TBC1D22A: variants seen among roughly 807,000 people sequenced by gnomAD.
TBC1D22A encodes the protein TBC1 domain family member 22A.
TBC1D22A carries 38 observed loss-of-function variants against 60.2 expected under a neutral mutation model. That is an observed-to-expected ratio of 0.63 (90% CI 0.49 to 0.83). The LOEUF is 0.83. Ranked by LOEUF, TBC1D22A falls within the 40% of genes least tolerant of loss-of-function variation. TBC1D22A has a pLI of 0.00. For missense variants in TBC1D22A, 628 were observed against 701.0 expected (o/e 0.90, Z 1.18); for synonymous variants, 302 against 281.7 (o/e 1.07, Z -0.72).
chr22:46,915,779 T>C (rs2070323432), intron 8 of TBC1D22A: 1 of 456,562 alleles, frequency 2.2e-6, no homozygotes, highest in Non-Finnish European at 4.4e-6. Context: ...GATCCACAGA[T>C]CCTGGCCTGC....
At chr22:47,048,284 G>A (rs2239767) in intron 11 of TBC1D22A, among the ~76,000 whole-genome samples, 38,473 of 152,026 alleles carry the variant, frequency 0.25, 6,098 homozygotes, top group East Asian at 0.6. Flanking sequence ...GCACTTACCG[G>A]GTCAGCCCAA....
At chr22:47,164,904 C>T (rs1345061891) in intron 12 of TBC1D22A, among the ~76,000 whole-genome samples, 1 of 152,226 alleles carries the variant, frequency 6.6e-6, no homozygotes, top group Non-Finnish European at 1.5e-5. Context: ...CCACTGTCTG[C>T]AGAAAGGCCC....
At chr22:47,089,171 A>G (rs1044272240) in intron 11 of TBC1D22A, among the ~76,000 whole-genome samples, 2 of 152,234 alleles carry the variant, frequency 1.3e-5, no homozygotes, top group Non-Finnish European at 2.9e-5. Context: ...ACAAAGTGAC[A>G]GCAGAAAGAC....
chr22:46,882,557 G>A (rs1484107198), intron 5 of TBC1D22A, among the ~76,000 whole-genome samples: 4 of 152,176 alleles, frequency 2.6e-5, no homozygotes, highest in Admixed American at 6.5e-5. Flanking sequence ...AGGTACCAGG[G>A]CAGGAGAGCT....
chr22:47,144,261 C>G (rs969105447), intron 12 of TBC1D22A, among the ~76,000 whole-genome samples: 1 of 152,228 alleles, frequency 6.6e-6, no homozygotes, highest in Non-Finnish European at 1.5e-5. Flanking sequence ...TGAGGACCAG[C>G]GGGTTTCTAG....
At chr22:46,891,066 G>GCCCTTCCT in intron 5 of TBC1D22A, among the ~76,000 whole-genome samples, 200 bp from the exon 6 acceptor site, 1 of 151,720 alleles carries the variant, frequency 6.6e-6, no homozygotes, top group Non-Finnish European at 1.5e-5. Context: ...AGTGCTGTCG[G>GCCCTTCCT]GAGTGGTGCT....
chr22:47,046,720 C>T (rs1397985368), intron 11 of TBC1D22A, among the ~76,000 whole-genome samples: 4 of 152,208 alleles, frequency 2.6e-5, no homozygotes, highest in Non-Finnish European at 5.9e-5. Flanking sequence ...GAAGCCTCCT[C>T]CCCGCACTTG....
At chr22:47,119,942 C>G (rs2066211602) in intron 12 of TBC1D22A, among the ~76,000 whole-genome samples, 2 of 152,158 alleles carry the variant, frequency 1.3e-5, no homozygotes, top group Admixed American at 6.5e-5. Context: ...GGCAAGAGGG[C>G]TGGGCGCTCC....
At chr22:47,077,248 T>C (rs1465997478) in intron 11 of TBC1D22A, among the ~76,000 whole-genome samples, 1 of 152,254 alleles carries the variant, frequency 6.6e-6, no homozygotes, top group African/African-American at 2.4e-5. Flanking sequence ...GTGCATTCAC[T>C]ACTCTTGTAC....
At chr22:47,061,983 G>C (rs1309906473) in intron 11 of TBC1D22A, among the ~76,000 whole-genome samples, 3 of 150,690 alleles carry the variant, frequency 2.0e-5, no homozygotes, top group Non-Finnish European at 2.9e-5. Context: ...AGCTACTCCG[G>C]AGGCTGAGGC....
chr22:46,912,325 T>G, intron 8 of TBC1D22A, 137 bp downstream of exon 8: 1 of 592,024 alleles, frequency 1.7e-6, no homozygotes, highest in East Asian at 3.1e-5. Context: ...ATAATAGTTT[T>G]CTCATCAACA....
intron 11 of TBC1D22A, among the ~76,000 whole-genome samples, chr22:47,086,607 T>C (rs1414494863): frequency 6.6e-6 from 1 of 152,224 alleles, no homozygotes; most frequent in East Asian, 1.9e-4. Flanking sequence ...CTCCTCCCCC[T>C]ATATACTAAC....
At chr22:46,899,374 G>A (rs2147667137) in intron 7 of TBC1D22A, among the ~76,000 whole-genome samples, 1 of 152,134 alleles carries the variant, frequency 6.6e-6, no homozygotes, top group Non-Finnish European at 1.5e-5. Flanking sequence ...TTGAACTCGG[G>A]AGGTGGAGGC....
intron 4 of TBC1D22A, among the ~76,000 whole-genome samples, chr22:46,809,194 G>A (rs1601952771): frequency 6.6e-6 from 1 of 152,232 alleles, no homozygotes; most frequent in Middle Eastern, 3.4e-3. Context: ...CTCTCCTCCC[G>A]GCTTGCAGAT....
chr22:46,971,377 G>C (rs1338727058), intron 8 of TBC1D22A, among the ~76,000 whole-genome samples: 1 of 152,198 alleles, frequency 6.6e-6, no homozygotes, highest in Non-Finnish European at 1.5e-5. Flanking sequence ...TATTATCTCT[G>C]AGGAAATGTC....
chr22:47,070,014 CTGT>C (rs1420694804), intron 11 of TBC1D22A, among the ~76,000 whole-genome samples: 1 of 138,298 alleles, frequency 7.2e-6, no homozygotes. Context: ...GCGCTGTCCC[CTGT>C]TGTTTGGTTG....
intron 11 of TBC1D22A, among the ~76,000 whole-genome samples, chr22:47,046,594 C>T (rs2063040297): frequency 6.6e-6 from 1 of 152,186 alleles, no homozygotes. Context: ...TGGGCCCTGG[C>T]ATGGGCATTG....
At chr22:46,921,676 A>G (rs561077662) in intron 8 of TBC1D22A, among the ~76,000 whole-genome samples, 4 of 152,314 alleles carry the variant, frequency 2.6e-5, no homozygotes, top group African/African-American at 9.6e-5. Flanking sequence ...ACTGCTTTCC[A>G]TAGTGGCTGA....
intron 12 of TBC1D22A, among the ~76,000 whole-genome samples, chr22:47,170,085 C>G (rs2068372973): frequency 6.6e-6 from 1 of 152,206 alleles, no homozygotes; most frequent in Non-Finnish European, 1.5e-5. Context: ...ATAAATAAGA[C>G]AAGCCTTTTT....
Sources: allele counts gnomAD v4.1 joint callset (sites outside exome capture counted in the v4.1 genomes callset), GRCh38; gene constraint gnomAD v4.1.1; transcripts MANE v1.5; gene names NCBI Gene and HGNC (gene_info 2026-07-23, HGNC 2026-07-21).